Variants in CPED1 observed in about 807,000 individuals in gnomAD.
CPED1 encodes the protein cadherin like and PC-esterase domain containing 1, also known as cadherin-like and PC-esterase domain-containing protein 1.
Under a neutral mutation model 128.2 loss-of-function variants are expected in CPED1, and 114 were observed. The observed-to-expected ratio is 0.89, with a 90% CI of 0.76 to 1.04. The LOEUF (loss-of-function observed/expected upper bound fraction) is 1.04. Among genes scored for constraint, CPED1 ranks in the 50% least tolerant of loss-of-function variants. CPED1 has a pLI of 0.00. For missense variants in CPED1, 1,211 were observed against 1,207.1 expected (o/e 1.00, Z -0.05); for synonymous variants, 462 against 426.7 (o/e 1.08, Z -1.02).
chr7:121,110,898 T>C (rs985193556), intron 7 of CPED1, among the ~76,000 whole-genome samples: 1 of 152,036 alleles, frequency 6.6e-6, no homozygotes, highest in African/African-American at 2.4e-5. Context: ...TCTAGGTTGG[T>C]GAGATATGGT....
In CPED1 at chr7:121,295,537, TACA is replaced by T. The variant is rs1792804786; in HGVS notation, c.2971_2973del (p.Gln991del). The T allele has an allele frequency of 1.2e-6, 2 of 1,614,082 alleles. No homozygotes were observed. The highest frequency in any genetic ancestry group is 1.7e-6 in the Non-Finnish European group (2 of 1,179,942). Reference sequence around the variant, plus strand: ...AGATATTTCAGCAATCAAAGCAAACTACAACAAGGCACTGTAACAAATTTTCGA... The same window carrying T: ...AGATATTTCAGCAATCAAAGCAAACTACAAGGCACTGTAACAAATTTTCGA... On this transcript the variant is annotated inframe_deletion, in exon 23 of 23. Coordinates refer to ENST00000310396, the MANE Select transcript of CPED1 (RefSeq NM_024913.5).
intron 19 of CPED1, 115 bp downstream of exon 19, chr7:121,266,562 C>A (rs571392001): frequency 1.7e-6 from 2 of 1,176,532 alleles, no homozygotes; most frequent in South Asian, 1.3e-5. Context: ...GGTTAGATAC[C>A]AAGTAAGGCA....
intron 12 of CPED1, among the ~76,000 whole-genome samples, chr7:121,131,347 TTA>T: frequency 6.6e-6 from 1 of 152,188 alleles, no homozygotes; most frequent in African/African-American, 2.4e-5. Context: ...AAGGTTTTGT[TTA>T]TGTGTTTGAA....
At chr7:121,290,637 C>T (rs999940601) in intron 22 of CPED1, among the ~76,000 whole-genome samples, 1 of 152,204 alleles carries the variant, frequency 6.6e-6, no homozygotes, top group African/African-American at 2.4e-5. Flanking sequence ...ATCCTTCACC[C>T]ACTTTTTGAT....
intron 5 of CPED1, among the ~76,000 whole-genome samples, chr7:121,088,581 TC>T (rs748653158): frequency 6.7e-6 from 1 of 150,230 alleles, no homozygotes; most frequent in Non-Finnish European, 1.5e-5. Context: ...ATCGCATGAA[TC>T]CGGGAGGCAG....
intron 7 of CPED1, among the ~76,000 whole-genome samples, chr7:121,117,110 T>A (rs1320138888): frequency 6.9e-6 from 1 of 144,132 alleles, no homozygotes; most frequent in Admixed American, 7.0e-5. Context: ...AATATATATA[T>A]ATATGTTTGA....
chr7:121,139,454 C>T (rs1253073482), intron 14 of CPED1, among the ~76,000 whole-genome samples: 1 of 151,520 alleles, frequency 6.6e-6, no homozygotes, highest in Non-Finnish European at 1.5e-5. Context: ...GACCTAGTCC[C>T]CAGAACTAGA....
intron 3 of CPED1, among the ~76,000 whole-genome samples, chr7:121,028,769 T>A (rs1380096560): frequency 3.9e-5 from 6 of 152,186 alleles, no homozygotes; most frequent in Non-Finnish European, 2.9e-5. Context: ...TTGCATAAAA[T>A]GGATATTTTT....
intron 12 of CPED1, among the ~76,000 whole-genome samples, chr7:121,133,360 G>C (rs924112233): frequency 2.0e-5 from 3 of 152,076 alleles, no homozygotes. Flanking sequence ...CTGTTAATTA[G>C]AGTTTAAGGG....
Position 121,211,754 on chromosome 7 carries a change from TTAG to T in CPED1, c.2056-24959_2056-24957del, listed in dbSNP as rs1339903515. Among the ~76,000 whole-genome samples the T allele has an allele frequency of 6.5e-4, 99 of 152,096 alleles. 1 individual carries two copies. Among genetic ancestry groups the T allele is most frequent in the African/African-American group, 2.4e-3 (98 of 41,530 alleles). On this transcript the variant is annotated intron_variant, in intron 16 of 22. Coordinates refer to ENST00000310396, the MANE Select transcript of CPED1 (RefSeq NM_024913.5). The stretch of plus-strand genomic sequence containing the variant: ...TTTTTAAAGTGAAAACTGTGGAGAC[TTAG>T]AAATATGTGATCTATAAGAACAGAC...
intron 16 of CPED1, among the ~76,000 whole-genome samples, chr7:121,144,896 G>A (rs964157420): frequency 1.3e-5 from 2 of 151,910 alleles, no homozygotes; most frequent in African/African-American, 4.8e-5. Flanking sequence ...CTTATATGAA[G>A]TTCAAGAATA....
intron 18 of CPED1, among the ~76,000 whole-genome samples, chr7:121,254,304 A>C (rs1282937865): frequency 1.3e-5 from 2 of 152,114 alleles, no homozygotes; most frequent in African/African-American, 2.4e-5. Context: ...TTGCTCCTGA[A>C]TAACTTTTGG....
chr7:121,069,796 A>G (rs1793943062), intron 5 of CPED1, among the ~76,000 whole-genome samples: 1 of 152,174 alleles, frequency 6.6e-6, no homozygotes, highest in Admixed American at 6.6e-5. Flanking sequence ...TATTTGAAAG[A>G]CAAGTATAAA....
At chr7:121,278,358 C>G (rs75981809) in intron 22 of CPED1, among the ~76,000 whole-genome samples, 204 of 152,016 alleles carry the variant, frequency 1.3e-3, no homozygotes, top group East Asian at 1.9e-4. Flanking sequence ...GGAGGAGGGT[C>G]TCTCCTTCTC....
chr7:121,286,940 G>A (rs1030630639), intron 22 of CPED1, among the ~76,000 whole-genome samples: 1 of 152,204 alleles, frequency 6.6e-6, no homozygotes, highest in African/African-American at 2.4e-5. Flanking sequence ...AGGCAAAGAG[G>A]AAGCAGGCAC....
At position 121,271,297 on chromosome 7, in the gene CPED1, A is replaced by G. The variant is rs576260991; in HGVS notation, c.2735A>G (p.Asn912Ser). ...VHFLTQSEVQ[N>S]LWKENLIILD... ...CTTTCCAATCAGAGTGAAGTACAGA[A>G]CTTATGGAAAGAAAATTTGATTATT... Residue 912 changes from asparagine (N) to serine (S), a missense_variant, in exon 22 of 23, where the codon AAC becomes AGC. By Grantham distance (46) the Asn-to-Ser change is conservative. Transcript: ENST00000310396. The G allele has an allele frequency of 1.2e-6, 2 of 1,611,582 alleles. No individual in the cohort carries two copies. The highest frequency in any genetic ancestry group is 3.3e-5 in the Admixed American group (2 of 59,876).
At chr7:121,219,252 T>C (rs1311740416) in intron 16 of CPED1, among the ~76,000 whole-genome samples, 1 of 151,802 alleles carries the variant, frequency 6.6e-6, no homozygotes, top group Admixed American at 6.6e-5. Context: ...TGGAAGTGGG[T>C]AGCATTAGGC....
intron 12 of CPED1, among the ~76,000 whole-genome samples, chr7:121,133,434 A>G (rs1046111830): frequency 1.3e-5 from 2 of 152,090 alleles, no homozygotes; most frequent in Non-Finnish European, 2.9e-5. Context: ...AATTAAATGT[A>G]TGTTCTTCTC....
At chr7:121,248,354 G>A (rs1798586888) in intron 18 of CPED1, among the ~76,000 whole-genome samples, 1 of 152,116 alleles carries the variant, frequency 6.6e-6, no homozygotes, top group Non-Finnish European at 1.5e-5. Context: ...CAAAAGAAAT[G>A]CAGACACAGT....
Sources: allele counts gnomAD v4.1 joint callset (sites outside exome capture counted in the v4.1 genomes callset), GRCh38; gene constraint gnomAD v4.1.1; transcripts MANE v1.5; gene names NCBI Gene and HGNC (gene_info 2026-07-23, HGNC 2026-07-21).